Variants in SLC33A2 observed in about 807,000 individuals in gnomAD.
SLC33A2 encodes major facilitator superfamily domain containing 3.
At chr8:144,509,203 G>C in the SLC33A2 span, 1 of 932,720 alleles carries the variant, frequency 1.1e-6, no homozygotes, top group Non-Finnish European at 1.5e-6. Context: ...CCTGTACGAC[G>C]CTGACTCTGC....
the SLC33A2 span, chr8:144,510,493 G>C: frequency 6.2e-7 from 1 of 1,612,616 alleles, no homozygotes; most frequent in East Asian, 2.2e-5. Context: ...GTGGGACCTT[G>C]CTGGCCAAGC....
chr8:144,510,086 CTTGCAACCCATT>C, the SLC33A2 span: 37 of 1,507,522 alleles, frequency 2.5e-5, no homozygotes, highest in Non-Finnish European at 3.1e-5. Flanking sequence ...TCCCCAGGGG[CTTGCAACCCATT>C]ACAGGGCCAC....
chr8:144,509,173 A>G, the SLC33A2 span: 25 of 660,684 alleles, frequency 3.8e-5, no homozygotes, highest in Non-Finnish European at 5.6e-5. Flanking sequence ...AAAGCCCGAG[A>G]GCACGTGTCC....
the SLC33A2 span, chr8:144,511,062 C>A: frequency 3.1e-6 from 5 of 1,607,310 alleles, no homozygotes; most frequent in South Asian, 5.5e-5. Flanking sequence ...TGGCCGGAGG[C>A]CTGGCTGATG....
the SLC33A2 span, chr8:144,509,133 CTT>C: frequency 7.3e-5 from 37 of 507,810 alleles, no homozygotes; most frequent in Admixed American, 1.6e-3. Context: ...TTGGACCCGA[CTT>C]CGGTTCTTCT....
the SLC33A2 span, chr8:144,509,746 T>C: frequency 8.9e-4 from 1,400 of 1,567,020 alleles, 2 homozygotes; most frequent in Non-Finnish European, 1.1e-3. Context: ...GGCAATACCG[T>C]GCAGGTGGTC....
chr8:144,510,445 G>C, the SLC33A2 span: 2 of 1,612,924 alleles, frequency 1.2e-6, no homozygotes, highest in Non-Finnish European at 1.7e-6. Context: ...GGAATGGTGT[G>C]GGTGCTGTGG....
chr8:144,509,934 C>CA, the SLC33A2 span: 15 of 1,586,932 alleles, frequency 9.5e-6, no homozygotes, highest in African/African-American at 1.3e-5. Flanking sequence ...GCAGCGTCCC[C>CA]ACACCGCGCA....
At chr8:144,510,755 G>A in the SLC33A2 span, 4 of 1,607,708 alleles carry the variant, frequency 2.5e-6, no homozygotes, top group East Asian at 2.2e-5. Context: ...GAAGAGAGGG[G>A]CCAGGAGCCT....
At chr8:144,509,122 T>G in the SLC33A2 span, 1 of 479,166 alleles carries the variant, frequency 2.1e-6, no homozygotes, top group Non-Finnish European at 3.5e-6. Context: ...CTCGCCCCCG[T>G]TTGGACCCGA....
At chr8:144,511,015 A>G in the SLC33A2 span, 1 of 1,602,398 alleles carries the variant, frequency 6.2e-7, no homozygotes, top group Admixed American at 1.7e-5. Flanking sequence ...CCTTCTGGCC[A>G]CGCTGGAGCT....
chr8:144,510,968 A>G, the SLC33A2 span: 2 of 1,599,270 alleles, frequency 1.3e-6, no homozygotes, highest in Non-Finnish European at 1.7e-6. Context: ...CCTGACCTTG[A>G]CCGTGACCCC....
At chr8:144,509,436 C>T in the SLC33A2 span, 10 of 1,532,690 alleles carry the variant, frequency 6.5e-6, no homozygotes, top group African/African-American at 1.4e-5. Flanking sequence ...TGCCGGCGGC[C>T]TCTCGCTGAC....
the SLC33A2 span, chr8:144,510,680 G>T: frequency 6.4e-7 from 1 of 1,561,020 alleles, no homozygotes; most frequent in Non-Finnish European, 8.7e-7. Flanking sequence ...CTTCCACCTG[G>T]ACACCCTGGG....
chr8:144,509,265 AGGG>A, the SLC33A2 span: 1 of 1,390,100 alleles, frequency 7.2e-7, no homozygotes, highest in Admixed American at 3.0e-5. Context: ...CCCCACGCGG[AGGG>A]GACCTCGCCT....
chr8:144,511,191 G>A, the SLC33A2 span: 13 of 1,598,454 alleles, frequency 8.1e-6, no homozygotes, highest in South Asian at 4.4e-5. Flanking sequence ...GGTCAATAAA[G>A]CCACATGTGC....
chr8:144,509,949 C>T, the SLC33A2 span: 1 of 1,594,076 alleles, frequency 6.3e-7, no homozygotes, highest in South Asian at 1.1e-5. Flanking sequence ...CGCGCACCTT[C>T]TGCGGGACGT....
chr8:144,510,633 T>C, the SLC33A2 span: 7 of 1,565,504 alleles, frequency 4.5e-6, no homozygotes, highest in Non-Finnish European at 6.1e-6. Flanking sequence ...GTGCTGCGCT[T>C]CCGCCTCGGG....
chr8:144,509,731 G>C, the SLC33A2 span: 1 of 1,568,998 alleles, frequency 6.4e-7, no homozygotes. Flanking sequence ...GCCGAACTGG[G>C]GCCGGGCAAT....
Sources: gnomAD v4.1 joint callset for allele counts on GRCh38, gnomAD v4.1.1 for gene constraint, MANE v1.5 for transcripts, NCBI Gene and HGNC (gene_info 2026-07-23, HGNC 2026-07-21) for gene names.